The following CREB1 variants were observed in gnomAD, a reference collection of about 807,000 sequenced individuals.
CREB1 encodes the protein cyclic AMP-responsive element-binding protein 1.
CREB1 carries 2 observed loss-of-function variants against 42.0 expected under a neutral mutation model. That is an observed-to-expected ratio of 0.05 (90% CI 0.02 to 0.15). The LOEUF (loss-of-function observed/expected upper bound fraction) is 0.15, where lower values mean the gene tolerates loss of function less well. CREB1 is among the 10% of genes least tolerant of loss of function. The pLI is 1.00. For missense variants in CREB1, 199 were observed against 388.9 expected (o/e 0.51, Z 4.11); for synonymous variants, 123 against 139.9 (o/e 0.88, Z 0.85).
At chr2:207,571,801 C>CTAGGAA (rs778189557) in intron 5 of CREB1, 1 of 444,742 alleles carries the variant, frequency 2.2e-6, no homozygotes, top group South Asian at 1.6e-5. Flanking sequence ...CTCACTTGAA[C>CTAGGAA]TAGGAAGCAT....
intron 1 of CREB1, among the ~76,000 whole-genome samples, chr2:207,530,958 C>T (rs1465317731): frequency 6.6e-6 from 1 of 151,182 alleles, no homozygotes; most frequent in Non-Finnish European, 1.5e-5. Flanking sequence ...TTTTGACTCC[C>T]TCACCCCTTT....
At position 207,575,459 on chromosome 2, in the gene CREB1, G is replaced by GGGAA. The variant is rs1339738387; in HGVS notation, c.688+6_688+9dup. 4 of 1,599,800 alleles carry GGGAA rather than the reference G, an allele frequency of 2.5e-6. No homozygotes were observed. The East Asian group carries it at 6.7e-5, about 27-fold the overall frequency. On this transcript the variant is annotated splice_donor_region_variant and intron_variant, in intron 6 of 7. Transcript: ENST00000353267. Reference sequence around the variant, plus strand: ...GCAACCAAGTTGTTGTTCAAGGTAAGGGAATTCAGAATTCACAGGTGTGGT... The same window carrying GGGAA: ...GCAACCAAGTTGTTGTTCAAGGTAAGGGAAGGAATTCAGAATTCACAGGTGTGGT...
intron 5 of CREB1, among the ~76,000 whole-genome samples, chr2:207,573,201 C>T (rs1377226950): frequency 6.6e-6 from 1 of 152,136 alleles, no homozygotes; most frequent in Non-Finnish European, 1.5e-5. Flanking sequence ...CGTTACTTGA[C>T]TTCTGTCTTT....
At chr2:207,543,346 T>G (rs1379116037) in intron 1 of CREB1, among the ~76,000 whole-genome samples, 1 of 152,222 alleles carries the variant, frequency 6.6e-6, no homozygotes. Flanking sequence ...GAATTTATTA[T>G]AATGACTGCG....
intron 7 of CREB1, among the ~76,000 whole-genome samples, chr2:207,583,293 G>C (rs571725650): frequency 6.6e-6 from 1 of 152,214 alleles, no homozygotes; most frequent in South Asian, 2.1e-4. Context: ...TACTTAAATA[G>C]GAATACACAC....
chr2:207,563,920 A>G (rs2082045117), intron 3 of CREB1, among the ~76,000 whole-genome samples: 2 of 152,168 alleles, frequency 1.3e-5, no homozygotes, highest in South Asian at 4.1e-4. Context: ...CTCCAGCCTG[A>G]GTGACAGAGT....
chr2:207,554,399 T>A (rs2081634026), intron 1 of CREB1, among the ~76,000 whole-genome samples: 1 of 152,172 alleles, frequency 6.6e-6, no homozygotes, highest in African/African-American at 2.4e-5. Context: ...ATAAATGAAA[T>A]ATATTCTGGA....
intron 2 of CREB1, chr2:207,559,036 G>A (rs921209850): frequency 6.6e-6 from 1 of 152,240 alleles, no homozygotes; most frequent in African/African-American, 2.4e-5. Flanking sequence ...ATAAAATGCA[G>A]TTTCTCTGAG....
rs375493613 is a variant in CREB1 at position 207,600,238 on chromosome 2, C to T, written c.*3180C>T. On this transcript the variant is annotated 3_prime_UTR_variant, in exon 8 of 8. Coordinates refer to ENST00000353267, the MANE Select transcript of CREB1 (RefSeq NM_004379.5). ...GTGGCATTTGTATAATATATGTGTA[C>T]ATATATATATATATATATATATATA... The T allele has an allele frequency of 2.1e-5, 3 of 145,690 alleles. No homozygotes were observed. The highest frequency in any genetic ancestry group is 2.6e-5 in the African/African-American group (1 of 38,324). 9.0% of individuals were successfully genotyped at this position (145,690 alleles called of 1,614,324 possible). A position where few individuals can be genotyped will look rare whatever the true frequency, so the allele number is the denominator to read the frequency against.
chr2:207,543,302 A>C (rs940852285), intron 1 of CREB1, among the ~76,000 whole-genome samples: 11 of 152,182 alleles, frequency 7.2e-5, no homozygotes, highest in African/African-American at 2.7e-4. Flanking sequence ...CCCAGTTGTA[A>C]CTATGATCCA....
At chr2:207,568,437 C>T (rs939767593) in intron 4 of CREB1, among the ~76,000 whole-genome samples, 1 of 151,970 alleles carries the variant, frequency 6.6e-6, no homozygotes, top group African/African-American at 2.4e-5. Flanking sequence ...AAGTATATCT[C>T]CTGTTAGTAT....
At chr2:207,595,011 T>TTTG (rs2085841212) in intron 7 of CREB1, among the ~76,000 whole-genome samples, 1 of 150,348 alleles carries the variant, frequency 6.7e-6, no homozygotes, top group African/African-American at 2.5e-5. Context: ...TTTTTTTTTT[T>TTTG]TCTGAGATGG....
intron 7 of CREB1, among the ~76,000 whole-genome samples, chr2:207,590,952 T>G (rs2084923796): frequency 6.6e-6 from 1 of 152,234 alleles, no homozygotes; most frequent in South Asian, 2.1e-4. Context: ...AAAATTTTTT[T>G]ATTTCCTTTG....
chr2:207,605,769 C>T lies in CREB1; in HGVS notation c.*8711C>T, dbSNP rs891593674. Among the ~76,000 whole-genome samples, 3 of 152,130 alleles carry T rather than the reference C, an allele frequency of 2.0e-5. No individual in the cohort carries two copies. The highest frequency in any genetic ancestry group is 7.2e-5 in the African/African-American group (3 of 41,420). ...GAAATTTTTTACTGTTACAGATATACAGAGGTTGGTAACTAGGTCTACACA... is the reference window on the plus strand; with the variant it reads ...GAAATTTTTTACTGTTACAGATATATAGAGGTTGGTAACTAGGTCTACACA... On this transcript the variant is annotated 3_prime_UTR_variant, in exon 8 of 8. Coordinates refer to ENST00000353267, the MANE Select transcript of CREB1 (RefSeq NM_004379.5).
At chr2:207,567,433 T>C in intron 3 of CREB1, 30 bp from the exon 4 acceptor site, 1 of 1,497,096 alleles carries the variant, frequency 6.7e-7, no homozygotes, top group South Asian at 1.2e-5. Context: ...TAAATTTGAT[T>C]ATCAATATGA....
At chr2:207,572,615 G>T (rs983571175) in intron 5 of CREB1, among the ~76,000 whole-genome samples, 29 of 151,870 alleles carry the variant, frequency 1.9e-4, no homozygotes, top group Non-Finnish European at 3.8e-4. Context: ...TGGAATTATC[G>T]ACCATCCTGG....
intron 7 of CREB1, 104 bp downstream of exon 7, chr2:207,577,759 A>AT (rs572422338): frequency 4.0e-3 from 5,302 of 1,333,060 alleles, no homozygotes; most frequent in Non-Finnish European, 4.5e-3. Flanking sequence ...TTTGCATTGA[A>AT]TTTTTTTTTT....
At position 207,599,474 on chromosome 2, in the gene CREB1, C is replaced by A; in HGVS notation, c.*2416C>A. The A allele has an allele frequency of 5.1e-6, 1 of 195,544 alleles. No homozygotes were observed. Among genetic ancestry groups the A allele is most frequent in the Admixed American group, 6.1e-5 (1 of 16,438 alleles). 12.1% of individuals were successfully genotyped at this position (195,544 alleles called of 1,614,324 possible). A position where few individuals can be genotyped will look rare whatever the true frequency, so the allele number is the denominator to read the frequency against. ...TGGGAAGTTGGTGGTCCTCTTAGTCCCTGATAAATCAAGGCAATCACATTC... is the reference window on the plus strand; with the variant it reads ...TGGGAAGTTGGTGGTCCTCTTAGTCACTGATAAATCAAGGCAATCACATTC... On this transcript the variant is annotated 3_prime_UTR_variant, in exon 8 of 8. Coordinates refer to ENST00000353267, the MANE Select transcript of CREB1 (RefSeq NM_004379.5).
chr2:207,533,618 T>C (rs2080746155), intron 1 of CREB1, among the ~76,000 whole-genome samples: 1 of 152,242 alleles, frequency 6.6e-6, no homozygotes. Context: ...TCTTGATATA[T>C]GGTGTAACTT....
Sources: allele counts gnomAD v4.1 joint callset (sites outside exome capture counted in the v4.1 genomes callset), GRCh38; gene constraint gnomAD v4.1.1; transcripts MANE v1.5; gene names NCBI Gene and HGNC (gene_info 2026-07-23, HGNC 2026-07-21).